LRMDA: variants seen among roughly 807,000 people sequenced by gnomAD.
The protein encoded by LRMDA is leucine rich melanocyte differentiation associated, also known as leucine-rich melanocyte differentiation-associated protein.
LRMDA carries 18 observed loss-of-function variants against 29.8 expected under a neutral mutation model. The ratio of observed to expected loss-of-function variants is 0.60; its 90% CI spans 0.42 to 0.90. LRMDA has a LOEUF of 0.90. LRMDA is among the 40% of genes least tolerant of loss of function. The pLI is 0.00. For synonymous variants in LRMDA, 125 were observed against 109.4 expected (o/e 1.14, Z -0.89); for missense variants, 273 against 273.9 (o/e 1.00, Z 0.02).
intron 2 of LRMDA, among the ~76,000 whole-genome samples, chr10:75,741,703 C>T (rs1472327192): frequency 6.6e-6 from 1 of 152,204 alleles, no homozygotes; most frequent in East Asian, 1.9e-4. Context: ...TGTCCTACAA[C>T]CTGGCCTGGA....
chr10:75,877,919 G>A (rs570247855), intron 2 of LRMDA, among the ~76,000 whole-genome samples: 10 of 152,276 alleles, frequency 6.6e-5, no homozygotes, highest in African/African-American at 1.9e-4. Context: ...AGATGAAATC[G>A]GAGGAGTTCC....
intron 2 of LRMDA, among the ~76,000 whole-genome samples, chr10:75,629,017 C>T (rs577578191): frequency 1.3e-5 from 2 of 152,332 alleles, no homozygotes; most frequent in South Asian, 4.1e-4. Context: ...GGCTTCACTG[C>T]TTTTCCAGAT....
Position 76,247,831 on chromosome 10 carries a change from G to A in LRMDA, c.517-76570G>A, listed in dbSNP as rs138944647. Among the ~76,000 whole-genome samples, 55 of 152,280 alleles carry A rather than the reference G, an allele frequency of 3.6e-4. No individual in the cohort carries two copies. In the East Asian group the frequency reaches 8.7e-3, roughly 24 times the overall value. ...CTTCTTGACACCCTAAGACTGCCATGTAAAGAGATTGGAGTGCCTTCCGGA... is the reference window on the plus strand; with the variant it reads ...CTTCTTGACACCCTAAGACTGCCATATAAAGAGATTGGAGTGCCTTCCGGA... On this transcript the variant is annotated intron_variant, in intron 5 of 6. Coordinates refer to ENST00000611255, the MANE Select transcript of LRMDA (RefSeq NM_001305581.2).
In LRMDA at chr10:75,758,099, C is replaced by T. The variant is rs1010392721; in HGVS notation, c.132-277909C>T. ...ACAGGCATGAGCCACCACGCCCAGC[C>T]AGCAGGGAATTTTCTTATTGAGCCC... On this transcript the variant is annotated intron_variant, in intron 2 of 6. Transcript: ENST00000611255. Among the ~76,000 whole-genome samples, 6 of 152,336 alleles carry T rather than the reference C, an allele frequency of 3.9e-5. No homozygotes were observed. In the South Asian group the frequency reaches 1.2e-3, roughly 32 times the overall value.
At chr10:76,375,470 C>A (rs987829253) in intron 6 of LRMDA, among the ~76,000 whole-genome samples, 4 of 152,108 alleles carry the variant, frequency 2.6e-5, no homozygotes, top group African/African-American at 9.7e-5. Context: ...ATTTTACCTG[C>A]CAAAGAAAAG....
intron 5 of LRMDA, among the ~76,000 whole-genome samples, chr10:76,274,989 G>C (rs141316405): frequency 6.6e-6 from 1 of 152,112 alleles, no homozygotes; most frequent in Non-Finnish European, 1.5e-5. Context: ...GAGCTCAGTG[G>C]AAGTTCTTTG....
chr10:76,435,478 G>A (rs1430970622), intron 6 of LRMDA, among the ~76,000 whole-genome samples: 1 of 152,194 alleles, frequency 6.6e-6, no homozygotes, highest in Non-Finnish European at 1.5e-5. Context: ...GACTGAGAAG[G>A]CTACCCATGA....
At chr10:75,966,364 T>G (rs1407113474) in intron 2 of LRMDA, among the ~76,000 whole-genome samples, 1 of 152,182 alleles carries the variant, frequency 6.6e-6, no homozygotes, top group Non-Finnish European at 1.5e-5. Flanking sequence ...TACCTCCTAC[T>G]TTATGGTGTG....
chr10:76,042,316 C>G (rs1269875469), intron 3 of LRMDA, among the ~76,000 whole-genome samples: 1 of 152,110 alleles, frequency 6.6e-6, no homozygotes, highest in African/African-American at 2.4e-5. Flanking sequence ...GGAGCTTCTG[C>G]CATACAAAAT....
chr10:75,707,212 G>T (rs549276915), intron 2 of LRMDA, among the ~76,000 whole-genome samples: 1 of 152,176 alleles, frequency 6.6e-6, no homozygotes, highest in Non-Finnish European at 1.5e-5. Context: ...ATCTCCCTCT[G>T]TGTTTTCCAA....
intron 6 of LRMDA, among the ~76,000 whole-genome samples, chr10:76,412,642 G>A (rs1015467918): frequency 6.6e-6 from 1 of 152,176 alleles, no homozygotes; most frequent in African/African-American, 2.4e-5. Flanking sequence ...GAAAGATACA[G>A]GGGAATTGAA....
chr10:76,349,084 C>T (rs1004593278), intron 6 of LRMDA, among the ~76,000 whole-genome samples: 3 of 152,118 alleles, frequency 2.0e-5, no homozygotes, highest in Non-Finnish European at 4.4e-5. Context: ...GTCTTTGTGG[C>T]AGGTGAAGCC....
intron 6 of LRMDA, among the ~76,000 whole-genome samples, chr10:76,399,199 A>C (rs7899000): frequency 0.091 from 13,799 of 152,150 alleles, 809 homozygotes; most frequent in East Asian, 0.33. Context: ...AAACAATATA[A>C]TATTGTTATT....
intron 6 of LRMDA, among the ~76,000 whole-genome samples, chr10:76,436,172 A>G (rs1446459380): frequency 6.6e-6 from 1 of 152,198 alleles, no homozygotes. Context: ...TGAGAAGCAG[A>G]TGAGTAGAGG....
chr10:76,277,071 C>A (rs1008706298), intron 5 of LRMDA, among the ~76,000 whole-genome samples: 1 of 152,112 alleles, frequency 6.6e-6, no homozygotes, highest in African/African-American at 2.4e-5. Context: ...TTAGAGTATC[C>A]CCTTCTCCAG....
At chr10:76,406,643 A>G (rs931317235) in intron 6 of LRMDA, among the ~76,000 whole-genome samples, 19 of 152,258 alleles carry the variant, frequency 1.2e-4, no homozygotes, top group Admixed American at 8.5e-4. Context: ...TGGCTATGAC[A>G]TCTGCCCTGC....
intron 3 of LRMDA, among the ~76,000 whole-genome samples, chr10:76,038,215 C>T (rs755924041): frequency 9.9e-5 from 15 of 152,194 alleles, no homozygotes; most frequent in Non-Finnish European, 1.5e-4. Flanking sequence ...CTTCTGTGAG[C>T]TTCTTTTTCT....
intron 6 of LRMDA, among the ~76,000 whole-genome samples, chr10:76,362,403 T>C (rs995721493): frequency 6.6e-6 from 1 of 152,202 alleles, no homozygotes; most frequent in Non-Finnish European, 1.5e-5. Context: ...ACTTATAAAA[T>C]AGGATTATTT....
At chr10:76,111,285 C>T (rs1849574680) in intron 5 of LRMDA, among the ~76,000 whole-genome samples, 1 of 152,230 alleles carries the variant, frequency 6.6e-6, no homozygotes, top group African/African-American at 2.4e-5. Flanking sequence ...AAATAAGCTC[C>T]TCAGGACAGG....
Sources: allele counts gnomAD v4.1 joint callset (sites outside exome capture counted in the v4.1 genomes callset), GRCh38; gene constraint gnomAD v4.1.1; transcripts MANE v1.5; gene names NCBI Gene and HGNC (gene_info 2026-07-23, HGNC 2026-07-21).